ZNF346: variants seen among roughly 807,000 people sequenced by gnomAD.
ZNF346 encodes the protein zinc finger protein 346.
In ZNF346, 23 loss-of-function variants were observed where a neutral mutation model predicts 33.7. That is an observed-to-expected ratio of 0.68 (90% CI 0.49 to 0.97). ZNF346 has a LOEUF of 0.97. Ranked by LOEUF, ZNF346 falls within the 50% of genes least tolerant of loss-of-function variation. ZNF346 has a pLI of 0.00. For synonymous variants in ZNF346, 134 were observed against 142.4 expected, an observed-to-expected ratio of 0.94 and a Z score of 0.42; for missense variants, 340 against 371.1, an observed-to-expected ratio of 0.92 and a Z score of 0.69.
intron 5 of ZNF346, among the ~76,000 whole-genome samples, chr5:177,054,345 A>T (rs890944803): frequency 2.0e-5 from 3 of 151,938 alleles, no homozygotes; most frequent in Admixed American, 6.6e-5. Flanking sequence ...TGCTGGGATT[A>T]CAGACATGAG....
intron 1 of ZNF346, among the ~76,000 whole-genome samples, chr5:177,033,405 C>T (rs1175769050): frequency 6.6e-6 from 1 of 152,186 alleles, no homozygotes; most frequent in African/African-American, 2.4e-5. Flanking sequence ...TGCTTTCTGA[C>T]TATAGCTATA....
chr5:177,051,891 A>G (rs1780986274), intron 5 of ZNF346: 1 of 152,228 alleles, frequency 6.6e-6, no homozygotes, highest in Non-Finnish European at 1.5e-5. Flanking sequence ...CCAGCCAGGC[A>G]TAGTGGCTTA....
chr5:177,072,833 T>C (rs1218650037), downstream of ZNF346, among the ~76,000 whole-genome samples: 2 of 151,918 alleles, frequency 1.3e-5, no homozygotes, highest in Non-Finnish European at 2.9e-5. Context: ...AAGGAGAGAC[T>C]CATTTCTGAT....
At chr5:177,061,191 A>G (rs920750752) in intron 5 of ZNF346, among the ~76,000 whole-genome samples, 2 of 152,164 alleles carry the variant, frequency 1.3e-5, no homozygotes, top group African/African-American at 4.8e-5. Flanking sequence ...TCACGCCTAT[A>G]ATCCCAGCGC....
At chr5:177,038,459 G>A (rs893906421) in intron 1 of ZNF346, among the ~76,000 whole-genome samples, 6 of 150,360 alleles carry the variant, frequency 4.0e-5, no homozygotes, top group African/African-American at 2.5e-5. Context: ...TCTCTACCCC[G>A]TACTCTGCTT....
intron 3 of ZNF346, among the ~76,000 whole-genome samples, chr5:177,043,063 G>C (rs1394472548): frequency 1.3e-5 from 2 of 152,112 alleles, no homozygotes; most frequent in Non-Finnish European, 2.9e-5. Flanking sequence ...GGTTGGCCAG[G>C]CTGGTCTCAA....
At chr5:177,061,277 T>C (rs962333766) in intron 5 of ZNF346, among the ~76,000 whole-genome samples, 1 of 151,040 alleles carries the variant, frequency 6.6e-6, no homozygotes, top group African/African-American at 2.4e-5. Context: ...AAACACTGTC[T>C]CTACCAAAAA....
chr5:177,050,699 G>T, intron 4 of ZNF346, 52 bp from the exon 5 acceptor site: 3 of 1,608,132 alleles, frequency 1.9e-6, no homozygotes, highest in Non-Finnish European at 2.6e-6. Context: ...CTCTCTCACT[G>T]CAGCTCTGTC....
intron 1 of ZNF346, among the ~76,000 whole-genome samples, chr5:177,039,082 G>A (rs1221677260): frequency 1.3e-5 from 2 of 151,390 alleles, no homozygotes; most frequent in African/African-American, 4.9e-5. Context: ...GTAGAGATGG[G>A]GTTTTACCAT....
Position 177,040,180 on chromosome 5 carries a change from C to CAA in ZNF346, c.176-933_176-932dup, listed in dbSNP as rs544181183. Among the ~76,000 whole-genome samples the CAA allele has an allele frequency of 6.3e-3, 772 of 121,708 alleles. 9 individuals carry two copies. The highest frequency in any genetic ancestry group is 0.018 in the African/African-American group (612 of 33,706). 79.8% of individuals were successfully genotyped at this position (121,708 alleles called of 152,430 possible). On this transcript the variant is annotated intron_variant, in intron 1 of 6. Transcript: ENST00000358149. ...TGGGTGACAGAGCGAGACTCCCTCT[C>CAA]AAAAAAAAAAAAAACAAACAAAAAT...
chr5:177,077,882 C>G lies in ZNF346; in HGVS notation c.*3-1500C>G, dbSNP rs968854898. On this transcript the variant is annotated intron_variant, in intron 8 of 8. Transcript: ENST00000503039. The surrounding 1 kb of genome is among the most constrained non-coding windows in gnomAD (Gnocchi z 5.0). ...GAATGCCTGGCCAGGCGCGGTGGCTCACGCCTGTAATCCCAGCACTTTGGG... is the reference window on the plus strand; with the variant it reads ...GAATGCCTGGCCAGGCGCGGTGGCTGACGCCTGTAATCCCAGCACTTTGGG... Among the ~76,000 whole-genome samples, 4 of 152,150 alleles carry G rather than the reference C, an allele frequency of 2.6e-5. No individual in the cohort carries two copies. Among genetic ancestry groups the G allele is most frequent in the Non-Finnish European group, 2.9e-5 (2 of 68,018 alleles).
chr5:177,047,226 T>A lies in ZNF346; in HGVS notation c.517+2693T>A, dbSNP rs189958656. On this transcript the variant is annotated intron_variant, in intron 4 of 6. Transcript: ENST00000358149. ...ACCGCGCCTGGCCAATTTTTGTGTT[T>A]TTATTAGAGACGGGGTTTCACTATG... 7.2e-3 allele frequency among the ~76,000 whole-genome samples: 1,096 copies of A among 152,038 alleles called. 13 individuals are homozygous for A. Among genetic ancestry groups the A allele is most frequent in the African/African-American group, 0.024 (1,010 of 41,484 alleles).
intron 1 of ZNF346, among the ~76,000 whole-genome samples, chr5:177,028,967 C>T (rs1777288282): frequency 6.6e-6 from 1 of 151,970 alleles, no homozygotes; most frequent in African/African-American, 2.4e-5. Flanking sequence ...AATCTGCCCT[C>T]CTCGGCCTCC....
At chr5:177,051,086 T>C in intron 5 of ZNF346, 150 bp downstream of exon 5, 1 of 623,688 alleles carries the variant, frequency 1.6e-6, no homozygotes, top group Non-Finnish European at 2.8e-6. Context: ...GAAATTAAAA[T>C]GAGAGCCAGG....
chr5:177,028,719 T>C (rs1038926440), intron 1 of ZNF346, among the ~76,000 whole-genome samples: 5 of 121,106 alleles, frequency 4.1e-5, no homozygotes, highest in East Asian at 2.3e-4. Context: ...TTTTTTTTTT[T>C]TTTTTTTTTT....
At chr5:177,051,076 G>A in intron 5 of ZNF346, 140 bp downstream of exon 5, 1 of 621,544 alleles carries the variant, frequency 1.6e-6, no homozygotes, top group Non-Finnish European at 2.8e-6. Flanking sequence ...AGCCAGATGA[G>A]AAATTAAAAT....
chr5:177,064,653 G>A lies in ZNF346; in HGVS notation c.*54G>A, dbSNP rs1581967565. The A allele has an allele frequency of 7.0e-7, 1 of 1,432,684 alleles. No homozygotes were observed. The highest frequency in any genetic ancestry group is 2.3e-5 in the East Asian group (1 of 44,044). 88.7% of individuals were successfully genotyped at this position (1,432,684 alleles called of 1,614,324 possible). A position where few individuals can be genotyped will look rare whatever the true frequency, so the allele number is the denominator to read the frequency against. The stretch of plus-strand genomic sequence containing the variant: ...GGCCAGCCATGAGCCAGCTTCCCGT[G>A]ACTGCTCAGCCCTTGGCTCCCTCTT... On this transcript the variant is annotated 3_prime_UTR_variant, in exon 7 of 7. Coordinates refer to ENST00000358149, the MANE Select transcript of ZNF346 (RefSeq NM_012279.4).
downstream of ZNF346, among the ~76,000 whole-genome samples, chr5:177,069,047 C>T (rs578139579): frequency 1.4e-5 from 2 of 143,096 alleles, no homozygotes; most frequent in Non-Finnish European, 3.0e-5. Flanking sequence ...ATTTTGACCT[C>T]GATCATTATA....
intron 6 of ZNF346, 81 bp downstream of exon 6, chr5:177,062,232 C>T (rs1782637180): frequency 2.6e-6 from 3 of 1,170,030 alleles, no homozygotes; most frequent in Non-Finnish European, 3.8e-6. Flanking sequence ...AGGTAGTTCT[C>T]GGCTGAAATG....
Sources: gnomAD v4.1 joint callset for allele counts (sites outside exome capture counted in the v4.1 genomes callset) on GRCh38, gnomAD v4.1.1 for gene constraint, Gnocchi (gnomAD v3.1) non-coding constraint, MANE v1.5 for transcripts, NCBI Gene and HGNC (gene_info 2026-07-23, HGNC 2026-07-21) for gene names.